PAPOLA: variants seen among roughly 807,000 people sequenced by gnomAD.
PAPOLA encodes the protein polynucleotide adenylyltransferase alpha.
In PAPOLA, 15 loss-of-function variants were observed where a neutral mutation model predicts 100.6. The observed-to-expected ratio is 0.15, with a 90% CI of 0.10 to 0.23. PAPOLA has a LOEUF of 0.23. Among genes scored for constraint, PAPOLA ranks in the 10% least tolerant of loss-of-function variants. The pLI, the probability that PAPOLA is intolerant of heterozygous loss-of-function variation, is 1.00. For synonymous variants in PAPOLA, 293 were observed against 300.0 expected (o/e 0.98, Z 0.24); for missense variants, 533 against 884.2 (o/e 0.60, Z 5.04).
intron 4 of PAPOLA, chr14:96,526,757 C>T (rs1364970854): frequency 6.6e-6 from 1 of 152,432 alleles, no homozygotes; most frequent in East Asian, 1.9e-4. Flanking sequence ...TTGATATATC[C>T]TGTGTGCTGT....
intron 10 of PAPOLA, chr14:96,534,810 A>T: frequency 1.6e-6 from 2 of 1,257,562 alleles, no homozygotes; most frequent in Non-Finnish European, 2.0e-6. Flanking sequence ...TAACATTTTA[A>T]TTTATTCTAT....
intron 12 of PAPOLA, among the ~76,000 whole-genome samples, chr14:96,540,733 C>T (rs1312180773): frequency 6.6e-6 from 1 of 152,104 alleles, no homozygotes; most frequent in East Asian, 1.9e-4. Context: ...ATATATCTAT[C>T]TCTGTTACCT....
intron 1 of PAPOLA, among the ~76,000 whole-genome samples, chr14:96,511,424 G>A (rs564883695): frequency 6.6e-5 from 10 of 152,252 alleles, no homozygotes; most frequent in African/African-American, 2.2e-4. Flanking sequence ...GAGATGCAAA[G>A]TACTTAAACA....
At chr14:96,517,646 A>T (rs1382172133) in intron 1 of PAPOLA, among the ~76,000 whole-genome samples, 1 of 151,008 alleles carries the variant, frequency 6.6e-6, no homozygotes, top group African/African-American at 2.4e-5. Context: ...ACCTTAGGAG[A>T]TGCTACATAT....
At position 96,556,356 on chromosome 14, in the gene PAPOLA, C is replaced by T; in HGVS notation, c.1947C>T (p.Val649=). The T allele has an allele frequency of 1.9e-5, 31 of 1,613,642 alleles. No homozygotes were observed. Among genetic ancestry groups the T allele is most frequent in the Non-Finnish European group, 2.6e-5 (31 of 1,179,664 alleles). ...AAATACCTACTCCTATAGTAGGAGT[C>T]AAGAGGACATCCTCACCTCATAAAG... ...ATKIPTPIVG[V]KRTSSPHKEE... The change falls in exon 19 of 22, where the codon GTC becomes GTT. Residue 649 remains valine (V), a synonymous_variant. Transcript: ENST00000216277.
chr14:96,505,601 A>G (rs191075768), intron 1 of PAPOLA, among the ~76,000 whole-genome samples: 176 of 152,264 alleles, frequency 1.2e-3, no homozygotes, highest in Middle Eastern at 3.4e-3. Context: ...CACAAAAAAG[A>G]GGGAATTGTA....
chr14:96,513,916 G>A (rs1405100759), intron 1 of PAPOLA, among the ~76,000 whole-genome samples: 5 of 152,008 alleles, frequency 3.3e-5, no homozygotes, highest in Non-Finnish European at 5.9e-5. Flanking sequence ...TTTGCGTTCC[G>A]TGTCTTGCTT....
intron 1 of PAPOLA, among the ~76,000 whole-genome samples, chr14:96,517,643 G>T (rs2140247301): frequency 6.6e-6 from 1 of 151,388 alleles, no homozygotes; most frequent in Non-Finnish European, 1.5e-5. Context: ...TTAACCTTAG[G>T]AGATGCTACA....
intron 6 of PAPOLA, among the ~76,000 whole-genome samples, 159 bp downstream of exon 6, chr14:96,528,165 A>AAT (rs1898660065): frequency 6.6e-6 from 1 of 152,236 alleles, no homozygotes; most frequent in East Asian, 1.9e-4. Flanking sequence ...ATTCTTGTAG[A>AAT]ATATACCATT....
At chr14:96,553,792 C>T (rs1901059062) in intron 17 of PAPOLA, among the ~76,000 whole-genome samples, 1 of 152,152 alleles carries the variant, frequency 6.6e-6, no homozygotes, top group African/African-American at 2.4e-5. Context: ...GGATTCCAGG[C>T]ATGAGCCACC....
At position 96,542,804 on chromosome 14, in the gene PAPOLA, C is replaced by A; in HGVS notation, c.1200C>A (p.Ile400=). The change falls in exon 14 of 22, where the codon ATC becomes ATA. Residue 400 remains isoleucine (I), a synonymous_variant. Transcript: ENST00000216277. ...GCTTGGTGGAATCAAAAATCCGAATCCTGGTTGGAAGCTTGGAGAAGAATG... is the reference window on the plus strand; with the variant it reads ...GCTTGGTGGAATCAAAAATCCGAATACTGGTTGGAAGCTTGGAGAAGAATG... ...WVGLVESKIR[I]LVGSLEKNEF... is the part of the protein sequence containing the mutation. The A allele has an allele frequency of 1.9e-6, 3 of 1,611,254 alleles. No homozygotes were observed. The highest frequency in any genetic ancestry group is 2.5e-6 in the Non-Finnish European group (3 of 1,179,172).
At chr14:96,507,668 A>G (rs866225985) in intron 1 of PAPOLA, among the ~76,000 whole-genome samples, 9 of 152,142 alleles carry the variant, frequency 5.9e-5, no homozygotes, top group African/African-American at 1.9e-4. Context: ...ATAATTTCCA[A>G]TGTAGTGGAT....
At chr14:96,531,324 G>T in intron 6 of PAPOLA, 151 bp from the exon 7 acceptor site, 1 of 610,506 alleles carries the variant, frequency 1.6e-6, no homozygotes, top group African/African-American at 1.9e-5. Flanking sequence ...TAGAGACAGG[G>T]TTTCGCCATG....
chr14:96,530,382 G>GTTTT (rs571476137), intron 6 of PAPOLA, among the ~76,000 whole-genome samples: 1 of 134,846 alleles, frequency 7.4e-6, no homozygotes. Context: ...ATGTTTGTTT[G>GTTTT]TTTTTTTTTT....
At position 96,531,985 on chromosome 14, in the gene PAPOLA, TGAA is replaced by T. The variant is rs1020207211; in HGVS notation, c.608-343_608-341del. The T allele has an allele frequency of 2.3e-5, 29 of 1,240,942 alleles. No individual in the cohort carries two copies. In the African/African-American group the frequency reaches 4.6e-4, roughly 19 times the overall value. The allele number at this position is 1,240,942 out of a possible 1,614,324, so 76.9% of individuals were successfully genotyped here. A position where few individuals can be genotyped will look rare whatever the true frequency, so the allele number is the denominator to read the frequency against. ...TTAGCATAGCTTGTTACTGTGCTCTTGAAGAGCAGTTCTTGGAAACTTTAGTGG... is the reference window on the plus strand; with the variant it reads ...TTAGCATAGCTTGTTACTGTGCTCTTGAGCAGTTCTTGGAAACTTTAGTGG... On this transcript the variant is annotated intron_variant, in intron 7 of 21. Coordinates refer to ENST00000216277, the MANE Select transcript of PAPOLA (RefSeq NM_032632.5).
At chr14:96,552,095 A>G (rs1415394307) in intron 16 of PAPOLA, among the ~76,000 whole-genome samples, 2 of 152,154 alleles carry the variant, frequency 1.3e-5, no homozygotes, top group Non-Finnish European at 2.9e-5. Context: ...TTCCAGAGTC[A>G]TTGTAGTCCC....
At chr14:96,509,930 C>T (rs1397639280) in intron 1 of PAPOLA, among the ~76,000 whole-genome samples, 1 of 145,224 alleles carries the variant, frequency 6.9e-6, no homozygotes, top group African/African-American at 2.6e-5. Flanking sequence ...ACTTAGACGC[C>T]GCTTTGTTGT....
chr14:96,558,606 AAG>A (rs1252109498), intron 19 of PAPOLA, among the ~76,000 whole-genome samples: 6 of 152,286 alleles, frequency 3.9e-5, no homozygotes, highest in Non-Finnish European at 8.8e-5. Flanking sequence ...ATACATATAA[AAG>A]AGTCATTTTA....
At chr14:96,531,691 C>A (rs1899031826) in intron 7 of PAPOLA, 105 bp downstream of exon 7, 1 of 1,526,828 alleles carries the variant, frequency 6.5e-7, no homozygotes, top group Non-Finnish European at 8.8e-7. Flanking sequence ...ATTGTTAACA[C>A]AGTAGTGAGT....
Sources: gnomAD v4.1 joint callset for allele counts (sites outside exome capture counted in the v4.1 genomes callset) on GRCh38, gnomAD v4.1.1 for gene constraint, MANE v1.5 for transcripts, NCBI Gene and HGNC (gene_info 2026-07-23, HGNC 2026-07-21) for gene names.